The following LMX1B variants were observed in gnomAD, a reference collection of about 807,000 sequenced individuals.
LMX1B encodes LIM homeobox transcription factor 1-beta.
Under a neutral mutation model 51.4 loss-of-function variants are expected in LMX1B, and 12 were observed. The observed-to-expected ratio is 0.23, with a 90% confidence interval of 0.15 to 0.38. LMX1B has a LOEUF of 0.38. LMX1B is among the 10% of genes least tolerant of loss of function. The pLI is 1.00. For missense variants in LMX1B, 445 were observed against 571.1 expected, an observed-to-expected ratio of 0.78 and a Z score of 2.25; for synonymous variants, 237 against 235.4, an observed-to-expected ratio of 1.01 and a Z score of -0.06.
At chr9:126,643,621 A>T (rs562689838) in intron 2 of LMX1B, among the ~76,000 whole-genome samples, 1 of 152,218 alleles carries the variant, frequency 6.6e-6, no homozygotes, top group East Asian at 1.9e-4. Flanking sequence ...ACTTTTGGGC[A>T]AAAGGGGATG....
At chr9:126,680,193 A>T (rs1176372495) in intron 2 of LMX1B, among the ~76,000 whole-genome samples, 1 of 152,218 alleles carries the variant, frequency 6.6e-6, no homozygotes, top group African/African-American at 2.4e-5. Flanking sequence ...CTCCGTGCTG[A>T]TGAAGCAAGT....
At chr9:126,634,186 G>A (rs534050630) in intron 2 of LMX1B, among the ~76,000 whole-genome samples, 6 of 152,286 alleles carry the variant, frequency 3.9e-5, no homozygotes, top group East Asian at 1.9e-4. Context: ...GATAAGGAGC[G>A]GGCAGGGAAA....
At chr9:126,682,894 G>GAAA (rs577172677) in intron 2 of LMX1B, among the ~76,000 whole-genome samples, 3,183 of 86,008 alleles carry the variant, frequency 0.037, 206 homozygotes, top group African/African-American at 0.13. Context: ...CACTCTGTCT[G>GAAA]AAAAAAAAAA....
chr9:126,695,461 C>T lies in LMX1B; in HGVS notation c.887-378C>T, dbSNP rs568251598. On this transcript the variant is annotated intron_variant, in intron 6 of 7. Coordinates refer to ENST00000373474, the MANE Select transcript of LMX1B (RefSeq NM_001174147.2). The surrounding 1 kb of genome is among the most constrained non-coding windows in gnomAD (Gnocchi z 5.2). ...GAGCCCCTGCTAGTTCTTTAAGTCA[C>T]ATCAGGGCGGGGGCCCTTTCCTCCA... Among the ~76,000 whole-genome samples, 49 of 142,670 alleles carry T rather than the reference C, an allele frequency of 3.4e-4. No individual in the cohort carries two copies. The highest frequency in any genetic ancestry group is 7.3e-4 in the Non-Finnish European group (45 of 61,864). 93.6% of individuals were successfully genotyped at this position (142,670 alleles called of 152,430 possible).
At chr9:126,694,299 C>G (rs2030251459) in intron 6 of LMX1B, among the ~76,000 whole-genome samples, 1 of 152,138 alleles carries the variant, frequency 6.6e-6, no homozygotes, top group Admixed American at 6.5e-5. Context: ...GAGGGACTGC[C>G]TGGGATCCCT....
At position 126,663,224 on chromosome 9, in the gene LMX1B, C is replaced by G. The variant is rs561014661; in HGVS notation, c.327-27612C>G. Among the ~76,000 whole-genome samples, 377 of 151,886 alleles carry G rather than the reference C, an allele frequency of 2.5e-3. 1 individual carries two copies. Among genetic ancestry groups the G allele is most frequent in the African/African-American group, 8.9e-3 (367 of 41,384 alleles). On this transcript the variant is annotated intron_variant, in intron 2 of 7. Transcript: ENST00000373474. ...GGCGGATCACTTGAGGTCAGGAGTT[C>G]GAGACCAGCCTGACCAACATGGTGA...
At chr9:126,636,862 C>T (rs1367875170) in intron 2 of LMX1B, among the ~76,000 whole-genome samples, 5 of 152,144 alleles carry the variant, frequency 3.3e-5, no homozygotes, top group East Asian at 1.9e-4. Context: ...GCTGTGTGTG[C>T]GTGCATGCAG....
intron 2 of LMX1B, among the ~76,000 whole-genome samples, chr9:126,676,017 C>T (rs1323672490): frequency 7.4e-5 from 11 of 149,258 alleles, no homozygotes; most frequent in Admixed American, 2.0e-4. Context: ...CCACTGCACT[C>T]CAGCCTGGGC....
rs2118847951 is a variant in LMX1B at position 126,625,577 on chromosome 9, T to C, written c.326+10008T>C. Among the ~76,000 whole-genome samples, 1 of 152,346 alleles carries C rather than the reference T, an allele frequency of 6.6e-6. No individual in the cohort carries two copies. The highest frequency in any genetic ancestry group is 1.5e-5 in the Non-Finnish European group (1 of 68,016). On this transcript the variant is annotated intron_variant, in intron 2 of 7. Coordinates refer to ENST00000373474, the MANE Select transcript of LMX1B (RefSeq NM_001174147.2). This position sits in a 1 kb window ranked among gnomAD's most constrained non-coding sequence, Gnocchi z 5.3. Reference sequence around the variant, plus strand: ...ACTAATGTCGCAGCGCTCGCACTCCTGCAGGTCTCCAGGGTTGGCCATTCC... The same window carrying C: ...ACTAATGTCGCAGCGCTCGCACTCCCGCAGGTCTCCAGGGTTGGCCATTCC...
chr9:126,688,513 G>A (rs2118982185), intron 2 of LMX1B, among the ~76,000 whole-genome samples: 1 of 152,342 alleles, frequency 6.6e-6, no homozygotes, highest in Non-Finnish European at 1.5e-5. Flanking sequence ...GTGTGGGGAG[G>A]GGACAGAGGG....
At position 126,615,441 on chromosome 9, in the gene LMX1B, C is replaced by A. The variant is rs1166985602; in HGVS notation, c.198C>A (p.Arg66=). Residue 66 remains arginine (R), a synonymous_variant, in exon 2 of 8, where the codon CGC becomes CGA. Coordinates refer to ENST00000373474, the MANE Select transcript of LMX1B (RefSeq NM_001174147.2). The surrounding 1 kb of genome is among the most constrained non-coding windows in gnomAD (Gnocchi z 6.0). ...CEGCQRPISD[R]FLMRVNESSW... is the part of the protein sequence containing the mutation. ...GCTGCCAGCGGCCCATCTCCGACCG[C>A]TTCCTGATGCGAGTCAACGAGTCGT... 7 of 1,609,758 alleles carry A rather than the reference C, an allele frequency of 4.3e-6. No homozygotes were observed. Among genetic ancestry groups the A allele is most frequent in the Non-Finnish European group, 5.9e-6 (7 of 1,178,206 alleles).
intron 2 of LMX1B, among the ~76,000 whole-genome samples, chr9:126,622,203 A>G (rs1835429172): frequency 6.6e-6 from 1 of 152,162 alleles, no homozygotes; most frequent in South Asian, 2.1e-4. Flanking sequence ...GGCTGATGGC[A>G]GAGCACCTGG....
chr9:126,665,255 G>C (rs889977564), intron 2 of LMX1B, among the ~76,000 whole-genome samples: 3 of 152,236 alleles, frequency 2.0e-5, no homozygotes, highest in African/African-American at 7.2e-5. Flanking sequence ...TGATTTGGGG[G>C]GAGGGGCGGT....
intron 2 of LMX1B, among the ~76,000 whole-genome samples, chr9:126,669,674 AT>A (rs1836414836): frequency 6.6e-6 from 1 of 152,036 alleles, no homozygotes; most frequent in African/African-American, 2.4e-5. Flanking sequence ...ACGTCTGTAT[AT>A]GGCAGTATGT....
At chr9:126,655,859 C>T (rs1417539948) in intron 2 of LMX1B, among the ~76,000 whole-genome samples, 7 of 152,326 alleles carry the variant, frequency 4.6e-5, no homozygotes, top group East Asian at 3.8e-4. Context: ...CTCACAGCTG[C>T]GCCATGGATG....
chr9:126,636,718 G>C (rs1032155576), intron 2 of LMX1B, among the ~76,000 whole-genome samples: 4 of 152,144 alleles, frequency 2.6e-5, no homozygotes, highest in Non-Finnish European at 5.9e-5. Context: ...GGGTGTCAGG[G>C]ACTTGAGCTG....
rs1836501386 is a variant in LMX1B, at chr9:126,673,643, G to A, written c.327-17193G>A. 6.6e-6 allele frequency among the ~76,000 whole-genome samples: 1 copy of A among 152,102 alleles called. No individual in the cohort carries two copies. The highest frequency in any genetic ancestry group is 2.4e-5 in the African/African-American group (1 of 41,412). ...CTGAGACACTCCACCTCCACTCTGG[G>A]CAGAGAGGGGGCATCGGGGGCATGG... On this transcript the variant is annotated intron_variant, in intron 2 of 7. Coordinates refer to ENST00000373474, the MANE Select transcript of LMX1B (RefSeq NM_001174147.2). This position sits in a 1 kb window ranked among gnomAD's most constrained non-coding sequence, Gnocchi z 4.4.
rs1336492779 is a variant in LMX1B at position 126,671,479 on chromosome 9, G to C, written c.327-19357G>C. ...AGAGCTCAGACTGCAGAGTGGCTGG[G>C]TAAATAGTCGCCGCAGTAATCGCAG... On this transcript the variant is annotated intron_variant, in intron 2 of 7. Coordinates refer to ENST00000373474, the MANE Select transcript of LMX1B (RefSeq NM_001174147.2). This position sits in a 1 kb window ranked among gnomAD's most constrained non-coding sequence, Gnocchi z 4.4. 6.6e-6 allele frequency among the ~76,000 whole-genome samples: 1 copy of C among 152,080 alleles called. No homozygotes were observed. Among genetic ancestry groups the C allele is most frequent in the African/African-American group, 2.4e-5 (1 of 41,410 alleles).
chr9:126,680,892 T>C (rs1468505648), intron 2 of LMX1B, among the ~76,000 whole-genome samples: 1 of 152,172 alleles, frequency 6.6e-6, no homozygotes, highest in Non-Finnish European at 1.5e-5. Flanking sequence ...CCTGTGGCTC[T>C]TCTAGCCTGG....
Sources: allele counts gnomAD v4.1 joint callset (sites outside exome capture counted in the v4.1 genomes callset), GRCh38; gene constraint gnomAD v4.1.1; non-coding constraint Gnocchi (gnomAD v3.1); transcripts MANE v1.5; gene names NCBI Gene and HGNC (gene_info 2026-07-23, HGNC 2026-07-21).